The following SCFD1 variants were observed in gnomAD, a reference collection of about 807,000 sequenced individuals.
The protein encoded by SCFD1 is sec1 family domain containing 1.
A neutral mutation model predicts 103.2 loss-of-function variants in SCFD1; 37 were observed. The ratio of observed to expected loss-of-function variants is 0.36; its 90% confidence interval spans 0.28 to 0.47. SCFD1 has a LOEUF of 0.47. Among genes scored for constraint, SCFD1 ranks in the 20% least tolerant of loss-of-function variants. The pLI, the probability that SCFD1 is intolerant of heterozygous loss-of-function variation, is 1.00. For missense variants in SCFD1, 639 were observed against 761.2 expected (o/e 0.84, Z 1.89); for synonymous variants, 264 against 245.0 (o/e 1.08, Z -0.73).
intron 17 of SCFD1, among the ~76,000 whole-genome samples, chr14:30,705,456 A>C (rs1437648552): frequency 6.6e-6 from 1 of 152,152 alleles, no homozygotes; most frequent in Non-Finnish European, 1.5e-5. Context: ...AAGTTTGGAA[A>C]ACTAATGCAT....
At chr14:30,679,530 G>A (rs1322752536) in intron 14 of SCFD1, among the ~76,000 whole-genome samples, 1 of 152,028 alleles carries the variant, frequency 6.6e-6, no homozygotes, top group Non-Finnish European at 1.5e-5. Context: ...TGATAGGTGT[G>A]CTTTATGCAA....
chr14:30,733,518 G>A (rs905285227), intron 23 of SCFD1, among the ~76,000 whole-genome samples: 12 of 152,182 alleles, frequency 7.9e-5, no homozygotes, highest in African/African-American at 2.7e-4. Flanking sequence ...GACTGTACAA[G>A]TCAGGATTAA....
chr14:30,717,524 T>C (rs565433745), intron 20 of SCFD1, among the ~76,000 whole-genome samples: 73 of 152,016 alleles, frequency 4.8e-4, no homozygotes, highest in Non-Finnish European at 9.3e-4. Context: ...GTCCCTAATC[T>C]TGAAGTTGAG....
At chr14:30,635,117 T>C in intron 4 of SCFD1, 1 of 372,110 alleles carries the variant, frequency 2.7e-6, no homozygotes, top group South Asian at 2.1e-5. Flanking sequence ...GTTAGTGACG[T>C]TTGCAAATTT....
intron 11 of SCFD1, among the ~76,000 whole-genome samples, chr14:30,671,962 C>T (rs988491869): frequency 2.7e-5 from 4 of 149,192 alleles, no homozygotes; most frequent in Admixed American, 6.7e-5. Flanking sequence ...TGCAGTGAGC[C>T]GAGATCACGC....
intron 4 of SCFD1, chr14:30,635,000 T>G (rs1884575833): frequency 4.4e-6 from 2 of 455,518 alleles, no homozygotes; most frequent in Non-Finnish European, 8.8e-6. Flanking sequence ...AAGATTCTTT[T>G]AGCAAGGAAA....
intron 19 of SCFD1, among the ~76,000 whole-genome samples, chr14:30,714,246 C>G (rs1409595696): frequency 1.3e-5 from 2 of 150,682 alleles, no homozygotes; most frequent in African/African-American, 4.9e-5. Flanking sequence ...CCCAGCTACT[C>G]GGGAGGCTGA....
chr14:30,708,531 A>G (rs79690609), intron 19 of SCFD1, among the ~76,000 whole-genome samples: 1 of 45,104 alleles, frequency 2.2e-5, no homozygotes, highest in Non-Finnish European at 3.3e-5. Context: ...ATACTTTTTT[A>G]AAAAAAAATT....
At chr14:30,728,970 A>G (rs1893251942) in intron 23 of SCFD1, among the ~76,000 whole-genome samples, 2 of 150,716 alleles carry the variant, frequency 1.3e-5, no homozygotes, top group African/African-American at 4.9e-5. Flanking sequence ...TCAGCCTCCC[A>G]AGTAACTGGG....
intron 13 of SCFD1, 148 bp from the exon 14 acceptor site, chr14:30,674,836 A>G (rs1888888713): frequency 4.4e-6 from 2 of 459,060 alleles, no homozygotes; most frequent in African/African-American, 2.0e-5. Context: ...GTTCAAGTCT[A>G]GAGATTAAAT....
chr14:30,734,700 CAA>C (rs968597946), intron 23 of SCFD1, 88 bp from the exon 24 acceptor site: 1 of 1,019,748 alleles, frequency 9.8e-7, no homozygotes, highest in Non-Finnish European at 1.5e-6. Flanking sequence ...TTAAGAATAA[CAA>C]AAAAACTAGC....
At chr14:30,734,655 A>T (rs750439724) in intron 23 of SCFD1, 135 bp from the exon 24 acceptor site, 1 of 679,072 alleles carries the variant, frequency 1.5e-6, no homozygotes, top group South Asian at 1.7e-5. Context: ...GTAGATGTGT[A>T]TACTAAAATC....
At chr14:30,668,211 G>C (rs1377193996) in intron 10 of SCFD1, among the ~76,000 whole-genome samples, 3 of 151,978 alleles carry the variant, frequency 2.0e-5, no homozygotes, top group African/African-American at 7.2e-5. Flanking sequence ...ATATAGACCA[G>C]TGGAACAGAA....
chr14:30,646,331 T>C (rs555357969), intron 7 of SCFD1, among the ~76,000 whole-genome samples: 1 of 152,282 alleles, frequency 6.6e-6, no homozygotes, highest in East Asian at 1.9e-4. Context: ...GAGGGTTTTT[T>C]AAATGAAGTG....
At position 30,677,827 on chromosome 14, in the gene SCFD1, CTTTTTTTTTTTTTT is replaced by C. The variant is rs58942207; in HGVS notation, c.1242+2780_1242+2793del. Among the ~76,000 whole-genome samples, 23 of 67,516 alleles carry C rather than the reference CTTTTTTTTTTTTTT, an allele frequency of 3.4e-4. No homozygotes were observed. The East Asian group carries it at 4.3e-3, about 12-fold the overall frequency. The allele number at this position is 67,516 out of a possible 152,430, so 44.3% of individuals were successfully genotyped here. ...TGTGAACATACATTCACCTAAGCAC[CTTTTTTTTTTTTTT>C]TTTTTTTTTTTTTTTTTGAGACAGA... On this transcript the variant is annotated intron_variant, in intron 14 of 24. Transcript: ENST00000458591.
At chr14:30,719,218 T>C (rs541187310) in intron 20 of SCFD1, 107 bp from the exon 21 acceptor site, 7 of 726,912 alleles carry the variant, frequency 9.6e-6, no homozygotes, top group African/African-American at 1.8e-5. Flanking sequence ...ATGGTTGTTA[T>C]ACATTCTACA....
chr14:30,663,835 C>G (rs190194884), intron 10 of SCFD1, among the ~76,000 whole-genome samples: 1 of 152,136 alleles, frequency 6.6e-6, no homozygotes. Flanking sequence ...TTCTTTATGC[C>G]TCAGTTTTTT....
At chr14:30,635,349 A>G (rs569823481) in intron 4 of SCFD1, among the ~76,000 whole-genome samples, 1 of 152,270 alleles carries the variant, frequency 6.6e-6, no homozygotes, top group East Asian at 1.9e-4. Context: ...TTTTGCAACC[A>G]TCACCACAGT....
chr14:30,719,353 C>G lies in SCFD1; in HGVS notation c.1712C>G (p.Pro571Arg). 1 of 1,604,870 alleles carries G rather than the reference C, an allele frequency of 6.2e-7. No individual in the cohort carries two copies. ...PETDDYRYFD[P>R]KMLRGNDSSV... ...ACTGATGACTATAGATATTTTGATCCCAAAATGCTGCGGGGCAATGACAGG... is the reference window on the plus strand; with the variant it reads ...ACTGATGACTATAGATATTTTGATCGCAAAATGCTGCGGGGCAATGACAGG... Residue 571 changes from proline to arginine, a missense_variant, in exon 21 of 25, where the codon CCC (proline) becomes CGC (arginine). By Grantham distance (103) the Pro-to-Arg change is moderately radical. Transcript: ENST00000458591.
Sources: allele counts gnomAD v4.1 joint callset (sites outside exome capture counted in the v4.1 genomes callset), GRCh38; gene constraint gnomAD v4.1.1; transcripts MANE v1.5; gene names NCBI Gene and HGNC (gene_info 2026-07-23, HGNC 2026-07-21).